Variants in HRH4 observed in about 807,000 individuals in gnomAD.
The protein encoded by HRH4 is histamine receptor H4.
In HRH4, 12 loss-of-function variants were observed where a neutral mutation model predicts 10.4. The ratio of observed to expected loss-of-function variants is 1.15; its 90% CI spans 0.74 to 1.87. The LOEUF (loss-of-function observed/expected upper bound fraction) is 1.87. Ranked by LOEUF, HRH4 falls within the 40% of genes most tolerant of loss-of-function variation. The pLI is 0.00. For missense variants in HRH4, 415 were observed against 453.3 expected, an observed-to-expected ratio of 0.92 and a Z score of 0.77; for synonymous variants, 154 against 166.6, an observed-to-expected ratio of 0.92 and a Z score of 0.58.
At position 24,460,663 on chromosome 18, in the gene HRH4, A is replaced by C. The variant is rs1015291198; in HGVS notation, c.-66A>C. 2.8e-6 allele frequency: 3 copies of C among 1,078,338 alleles called. No individual in the cohort carries two copies. In the African/African-American group the frequency reaches 4.7e-5, roughly 17 times the overall value. The allele number at this position is 1,078,338 out of a possible 1,614,324, so 66.8% of individuals were successfully genotyped here. On this transcript the variant is annotated 5_prime_UTR_variant, in exon 1 of 3. Transcript: ENST00000256906. ...CACATTTTAGGTATGTGATTAGAAA[A>C]CATACTTGTCAGAATTGTCTGGCTG... is the stretch of plus-strand genomic sequence containing the variant.
At chr18:24,471,309 A>G (rs920372310) in intron 2 of HRH4, among the ~76,000 whole-genome samples, 4 of 152,002 alleles carry the variant, frequency 2.6e-5, no homozygotes, top group Non-Finnish European at 4.4e-5. Flanking sequence ...ATATGGAATG[A>G]AACAGAATAG....
At position 24,477,021 on chromosome 18, in the gene HRH4, A is replaced by G; in HGVS notation, c.632A>G (p.Gln211Arg). 1 of 1,614,196 alleles carries G rather than the reference A, an allele frequency of 6.2e-7. No individual in the cohort carries two copies. Among genetic ancestry groups the G allele is most frequent in the South Asian group, 1.1e-5 (1 of 91,084 alleles). The change falls in exon 3 of 3, where the codon CAA (glutamine) becomes CGA (arginine). Residue 211 changes from glutamine to arginine, a missense_variant. Physicochemically the swap from Gln to Arg is conservative, Grantham distance 43. Transcript: ENST00000256906. ...AAGCGTGATCATCTCAGTAGGTGCC[A>G]AAGCCATCCTGGACTGACTGCTGTC... ...LWKRDHLSRC[Q>R]SHPGLTAVSS...
At chr18:24,466,105 TTA>T (rs946022973) in intron 1 of HRH4, among the ~76,000 whole-genome samples, 1 of 151,018 alleles carries the variant, frequency 6.6e-6, no homozygotes, top group Non-Finnish European at 1.5e-5. Context: ...CTATATTATT[TTA>T]TATATATATA....
In HRH4 at chr18:24,472,883, G is replaced by A. The variant is rs187084801; in HGVS notation, c.358-3864G>A. 2.9e-4 allele frequency among the ~76,000 whole-genome samples: 44 copies of A among 152,296 alleles called. 1 individual carries two copies. The highest frequency in any genetic ancestry group is 9.9e-4 in the African/African-American group (41 of 41,552). ...AAAATGTACAAAAAGGGTTTGGCGC[G>A]GTGGCTCATGCCTGTAATCCCAGGG... is the stretch of plus-strand genomic sequence containing the variant. On this transcript the variant is annotated intron_variant, in intron 2 of 2. Transcript: ENST00000256906.
Position 24,460,833 on chromosome 18 carries a change from G to A in HRH4, c.105G>A (p.Leu35=), listed in dbSNP as rs1909614904. Reference sequence around the variant, plus strand: ...TTGCTATAATGCTAGGAAATGCTTTGGTCATTTTAGCTTTTGTGGTGGACA... The same window carrying A: ...TTGCTATAATGCTAGGAAATGCTTTAGTCATTTTAGCTTTTGTGGTGGACA... ...VAFAIMLGNA[L]VILAFVVDKN... The change falls in exon 1 of 3, where the codon TTG becomes TTA. Residue 35 remains leucine, a synonymous_variant. Transcript: ENST00000256906. The A allele has an allele frequency of 6.3e-7, 1 of 1,588,806 alleles. No homozygotes were observed. Among genetic ancestry groups the A allele is most frequent in the South Asian group, 1.1e-5 (1 of 87,122 alleles).
intron 2 of HRH4, among the ~76,000 whole-genome samples, chr18:24,476,246 A>T (rs1419896244): frequency 6.6e-6 from 1 of 152,146 alleles, no homozygotes; most frequent in Non-Finnish European, 1.5e-5. Context: ...ATTTCTCTTT[A>T]TTTATATATA....
At chr18:24,460,987 TA>T in intron 1 of HRH4, 66 bp downstream of exon 1, 1 of 1,198,286 alleles carries the variant, frequency 8.3e-7, no homozygotes. Context: ...ATCCTTAAAA[TA>T]AGCTTTTGTT....
intron 2 of HRH4, 45 bp from the exon 3 acceptor site, chr18:24,476,702 C>A: frequency 2.1e-6 from 3 of 1,406,116 alleles, no homozygotes; most frequent in Non-Finnish European, 3.0e-6. Flanking sequence ...TTTATGCATT[C>A]AACATACACA....
chr18:24,474,260 A>AG (rs1910066169), intron 2 of HRH4, among the ~76,000 whole-genome samples: 1 of 37,720 alleles, frequency 2.7e-5, no homozygotes, highest in African/African-American at 9.8e-5. Flanking sequence ...AGGAAGCAGA[A>AG]GGCAAAAAAA....
intron 1 of HRH4, among the ~76,000 whole-genome samples, chr18:24,461,321 G>A (rs1380051288): frequency 1.3e-5 from 2 of 152,040 alleles, no homozygotes. Flanking sequence ...GTATATGCTA[G>A]TAACCAGTGC....
intron 1 of HRH4, among the ~76,000 whole-genome samples, chr18:24,462,349 G>A (rs962704027): frequency 6.6e-6 from 1 of 152,084 alleles, no homozygotes; most frequent in African/African-American, 2.4e-5. Context: ...ACAGGAGAGT[G>A]GTTGAACAGA....
chr18:24,473,306 C>G (rs1910031462), intron 2 of HRH4, among the ~76,000 whole-genome samples: 1 of 152,114 alleles, frequency 6.6e-6, no homozygotes, highest in African/African-American at 2.4e-5. Flanking sequence ...TGTTTGTTTG[C>G]TGGAGCTACC....
intron 2 of HRH4, among the ~76,000 whole-genome samples, chr18:24,475,381 T>C (rs1301982472): frequency 3.3e-5 from 5 of 152,198 alleles, no homozygotes; most frequent in Non-Finnish European, 7.3e-5. Context: ...CACAGCATTT[T>C]GAGAGGCTAA....
intron 1 of HRH4, among the ~76,000 whole-genome samples, chr18:24,466,925 C>T (rs1218135697): frequency 2.6e-5 from 4 of 152,198 alleles, no homozygotes; most frequent in East Asian, 1.9e-4. Context: ...AACCTCGTTT[C>T]GTCACTTTTC....
chr18:24,461,631 T>C lies in HRH4; in HGVS notation c.193+710T>C, dbSNP rs138006599. The stretch of plus-strand genomic sequence containing the variant: ...TATTTTACAGGAGTTTCTAGTATAA[T>C]TTAATCTGGCATATTCAGATTATTT... On this transcript the variant is annotated intron_variant, in intron 1 of 2. Transcript: ENST00000256906. Among the ~76,000 whole-genome samples, 389 of 152,320 alleles carry C rather than the reference T, an allele frequency of 2.6e-3. 1 individual carries two copies. Among genetic ancestry groups the C allele is most frequent in the Non-Finnish European group, 4.2e-3 (288 of 68,016 alleles).
Position 24,460,854 on chromosome 18 carries a change from G to A in HRH4, c.126G>A (p.Val42=), listed in dbSNP as rs1168972488. 4 of 1,585,566 alleles carry A rather than the reference G, an allele frequency of 2.5e-6. No homozygotes were observed. Among genetic ancestry groups the A allele is most frequent in the Admixed American group, 1.7e-5 (1 of 59,518 alleles). The change falls in exon 1 of 3, where the codon GTG becomes GTA. Residue 42 remains valine (V), a synonymous_variant. Transcript: ENST00000256906. ...GNALVILAFV[V]DKNLRHRSSY... is the part of the protein sequence containing the mutation. ...CTTTGGTCATTTTAGCTTTTGTGGTGGACAAAAACCTTAGACATCGAAGTA... is the reference window on the plus strand; with the variant it reads ...CTTTGGTCATTTTAGCTTTTGTGGTAGACAAAAACCTTAGACATCGAAGTA...
chr18:24,474,736 G>A (rs550537929), intron 2 of HRH4, among the ~76,000 whole-genome samples: 4 of 151,536 alleles, frequency 2.6e-5, no homozygotes, highest in African/African-American at 9.7e-5. Flanking sequence ...CACCAGGCTG[G>A]AGTGCAGTGG....
intron 2 of HRH4, among the ~76,000 whole-genome samples, chr18:24,471,120 G>T (rs543218268): frequency 6.6e-6 from 1 of 151,806 alleles, no homozygotes; most frequent in African/African-American, 2.4e-5. Flanking sequence ...CCTTAACATC[G>T]CATACTTCAT....
At chr18:24,464,861 T>C (rs1449426032) in intron 1 of HRH4, among the ~76,000 whole-genome samples, 2 of 151,836 alleles carry the variant, frequency 1.3e-5, no homozygotes, top group African/African-American at 4.8e-5. Flanking sequence ...ACAAGAAAAA[T>C]AACTAAGACA....
Sources: allele counts gnomAD v4.1 joint callset (sites outside exome capture counted in the v4.1 genomes callset), GRCh38; gene constraint gnomAD v4.1.1; transcripts MANE v1.5; gene names NCBI Gene and HGNC (gene_info 2026-07-23, HGNC 2026-07-21).